ABHD2: variants seen among roughly 807,000 people sequenced by gnomAD.
ABHD2 encodes monoacylglycerol lipase ABHD2.
In ABHD2, 20 loss-of-function variants were observed where a neutral mutation model predicts 48.1. That is an observed-to-expected ratio of 0.42 (90% CI 0.29 to 0.60). The LOEUF (loss-of-function observed/expected upper bound fraction) is 0.60. Among genes scored for constraint, ABHD2 ranks in the 20% least tolerant of loss-of-function variants. ABHD2 has a pLI of 0.24. For synonymous variants in ABHD2, 209 were observed against 214.2 expected (o/e 0.98, Z 0.21); for missense variants, 405 against 550.9 (o/e 0.74, Z 2.65).
chr15:89,110,790 AATTTTAAAACCT>A (rs1049630736), intron 1 of ABHD2, among the ~76,000 whole-genome samples: 70 of 152,316 alleles, frequency 4.6e-4, no homozygotes, highest in African/African-American at 1.4e-3. Flanking sequence ...AATTGAATTG[AATTTTAAAACCT>A]TGGCATTTTT....
At chr15:89,191,293 G>A in intron 9 of ABHD2, 144 bp downstream of exon 9, 1 of 761,544 alleles carries the variant, frequency 1.3e-6, no homozygotes, top group South Asian at 1.8e-5. Flanking sequence ...TTTGTTTATT[G>A]AACCAGGCTC....
chr15:89,129,607 A>G (rs1428553060), intron 3 of ABHD2, among the ~76,000 whole-genome samples: 4 of 152,096 alleles, frequency 2.6e-5, no homozygotes, highest in Non-Finnish European at 5.9e-5. Flanking sequence ...GGCCCAAGTG[A>G]GAGGGTGAAG....
At position 89,114,724 on chromosome 15, in the gene ABHD2, T is replaced by C. The variant is rs1042289004; in HGVS notation, c.-7+900T>C. 1.3e-5 allele frequency among the ~76,000 whole-genome samples: 2 copies of C among 152,132 alleles called. No individual in the cohort carries two copies. The highest frequency in any genetic ancestry group is 6.6e-5 in the Admixed American group (1 of 15,262). ...GTCTCGAACTCCTGAGCTCAAGTGA[T>C]CCACCCACTTTGGCCTCCCAAAGTG... On this transcript the variant is annotated intron_variant, in intron 2 of 10. Transcript: ENST00000352732. The surrounding 1 kb of genome is among the most constrained non-coding windows in gnomAD (Gnocchi z 4.2).
At chr15:89,129,262 G>A (rs1001873309) in intron 3 of ABHD2, among the ~76,000 whole-genome samples, 36 of 152,180 alleles carry the variant, frequency 2.4e-4, no homozygotes, top group African/African-American at 8.4e-4. Context: ...CCATGGCTAG[G>A]GTGGAAGAGA....
At position 89,106,929 on chromosome 15, in the gene ABHD2, G is replaced by C. The variant is rs2049795375; in HGVS notation, c.-106-6796G>C. ...TGCCACCAAAGAGGCTGAAAAATCAGAATGACATGGGATGGAAACAGACCA... is the reference window on the plus strand; with the variant it reads ...TGCCACCAAAGAGGCTGAAAAATCACAATGACATGGGATGGAAACAGACCA... On this transcript the variant is annotated intron_variant, in intron 1 of 10. Coordinates refer to ENST00000352732, the MANE Select transcript of ABHD2 (RefSeq NM_152924.5). The surrounding 1 kb of genome is among the most constrained non-coding windows in gnomAD (Gnocchi z 4.2). 6.6e-6 allele frequency among the ~76,000 whole-genome samples: 1 copy of C among 152,208 alleles called. No homozygotes were observed. The highest frequency in any genetic ancestry group is 2.1e-4 in the South Asian group (1 of 4,832).
intron 3 of ABHD2, among the ~76,000 whole-genome samples, chr15:89,145,299 G>C (rs970108202): frequency 2.6e-5 from 4 of 152,168 alleles, no homozygotes; most frequent in African/African-American, 9.7e-5. Flanking sequence ...CAGCCCTTTT[G>C]TGTGCTCAGA....
rs144915166 is a variant in ABHD2, at chr15:89,191,009, G to A, written c.927-71G>A. 1.7e-4 allele frequency: 255 copies of A among 1,495,838 alleles called. No individual in the cohort carries two copies. The African/African-American group carries it at 2.9e-3, about 17-fold the overall frequency. 92.7% of individuals were successfully genotyped at this position (1,495,838 alleles called of 1,614,324 possible). A position where few individuals can be genotyped will look rare whatever the true frequency, so the allele number is the denominator to read the frequency against. On this transcript the variant is annotated intron_variant, in intron 8 of 10. Coordinates refer to ENST00000352732, the MANE Select transcript of ABHD2 (RefSeq NM_152924.5). ...AGCGTGAGGAACTGGAGCCATCGTC[G>A]GCTCAGCATTCTGATCTTAAAGACC... is the stretch of plus-strand genomic sequence containing the variant.
chr15:89,123,585 C>G (rs1193220440), intron 3 of ABHD2, among the ~76,000 whole-genome samples: 2 of 130,246 alleles, frequency 1.5e-5, no homozygotes, highest in Non-Finnish European at 3.2e-5. Flanking sequence ...TCCTTTCTTT[C>G]TTTCTTTCTT....
intron 5 of ABHD2, among the ~76,000 whole-genome samples, chr15:89,158,263 G>A (rs1034446532): frequency 1.3e-5 from 2 of 152,174 alleles, no homozygotes; most frequent in African/African-American, 4.8e-5. Context: ...TTTGGGCAAG[G>A]GCACAGAGCC....
intron 5 of ABHD2, among the ~76,000 whole-genome samples, chr15:89,158,438 G>A (rs1414451495): frequency 6.6e-6 from 1 of 152,194 alleles, no homozygotes; most frequent in African/African-American, 2.4e-5. Flanking sequence ...ACCACACCAG[G>A]TCAGGGGAGA....
At position 89,176,659 on chromosome 15, in the gene ABHD2, C is replaced by T. The variant is rs2150929343; in HGVS notation, c.722+664C>T. ...CCCAGGTCTCTCAAGAGTCACCACA[C>T]TCACACGTTCACACACACATGCACA... is the stretch of plus-strand genomic sequence containing the variant. On this transcript the variant is annotated intron_variant, in intron 6 of 10. Coordinates refer to ENST00000352732, the MANE Select transcript of ABHD2 (RefSeq NM_152924.5). The surrounding 1 kb of genome is among the most constrained non-coding windows in gnomAD (Gnocchi z 4.5). 6.6e-6 allele frequency among the ~76,000 whole-genome samples: 1 copy of T among 152,288 alleles called. No homozygotes were observed. The highest frequency in any genetic ancestry group is 6.5e-5 in the Admixed American group (1 of 15,294).
rs955315918 is a variant in ABHD2, at chr15:89,135,683, C to T, written c.195-15994C>T. 14 of 1,498,988 alleles carry T rather than the reference C, an allele frequency of 9.3e-6. No individual in the cohort carries two copies. The African/African-American group carries it at 1.1e-4, about 12-fold the overall frequency. 92.9% of individuals were successfully genotyped at this position (1,498,988 alleles called of 1,614,324 possible). A position where few individuals can be genotyped will look rare whatever the true frequency, so the allele number is the denominator to read the frequency against. Reference sequence around the variant, plus strand: ...TGCTGCAGCAGGCTTTCCTTTAGCCCGATATGCAGCAATATCCTTTTCTTA... The same window carrying T: ...TGCTGCAGCAGGCTTTCCTTTAGCCTGATATGCAGCAATATCCTTTTCTTA... On this transcript the variant is annotated intron_variant, in intron 3 of 10. Coordinates refer to ENST00000352732, the MANE Select transcript of ABHD2 (RefSeq NM_152924.5).
At chr15:89,162,571 A>C (rs957090364) in intron 5 of ABHD2, among the ~76,000 whole-genome samples, 1 of 152,036 alleles carries the variant, frequency 6.6e-6, no homozygotes, top group Non-Finnish European at 1.5e-5. Flanking sequence ...AGGACTGCCC[A>C]GGTTCTGTTT....
the ABHD2 span, among the ~76,000 whole-genome samples, chr15:89,077,019 C>T: frequency 2.6e-5 from 4 of 152,014 alleles, no homozygotes; most frequent in East Asian, 1.9e-4. Flanking sequence ...TTGTTTGTTA[C>T]CTACACACAG....
At chr15:89,070,753 T>C in the ABHD2 span, among the ~76,000 whole-genome samples, 1 of 152,094 alleles carries the variant, frequency 6.6e-6, no homozygotes, top group Admixed American at 6.6e-5. Flanking sequence ...ACAGCAGATA[T>C]GGGTAATCAT....
At chr15:89,070,423 C>G in the ABHD2 span, among the ~76,000 whole-genome samples, 5 of 152,162 alleles carry the variant, frequency 3.3e-5, no homozygotes, top group African/African-American at 1.2e-4. Flanking sequence ...TTATTTGCAT[C>G]CCTAATACAA....
chr15:89,172,619 TAG>T (rs1374474854), intron 5 of ABHD2, among the ~76,000 whole-genome samples: 1 of 152,232 alleles, frequency 6.6e-6, no homozygotes, highest in African/African-American at 2.4e-5. Context: ...AGAAAATAAT[TAG>T]AGTCAGTTAT....
intron 8 of ABHD2, among the ~76,000 whole-genome samples, chr15:89,190,802 G>C (rs1463697781): frequency 6.6e-6 from 1 of 152,198 alleles, no homozygotes; most frequent in Non-Finnish European, 1.5e-5. Flanking sequence ...CACATAGCCA[G>C]TAAATAACCG....
At position 89,104,748 on chromosome 15, in the gene ABHD2, C is replaced by G. The variant is rs1240315253; in HGVS notation, c.-106-8977C>G. On this transcript the variant is annotated intron_variant, in intron 1 of 10. Coordinates refer to ENST00000352732, the MANE Select transcript of ABHD2 (RefSeq NM_152924.5). This position sits in a 1 kb window ranked among gnomAD's most constrained non-coding sequence, Gnocchi z 4.4. The stretch of plus-strand genomic sequence containing the variant: ...CAGGCACTGGGTCTTGCCCTCCCAC[C>G]CCCATCTCCATTTCCTCCTTCTGGA... Among the ~76,000 whole-genome samples the G allele has an allele frequency of 1.3e-5, 2 of 152,154 alleles. No homozygotes were observed. The highest frequency in any genetic ancestry group is 2.9e-5 in the Non-Finnish European group (2 of 68,018).
Sources: gnomAD v4.1 joint callset for allele counts (sites outside exome capture counted in the v4.1 genomes callset) on GRCh38, gnomAD v4.1.1 for gene constraint, Gnocchi (gnomAD v3.1) non-coding constraint, MANE v1.5 for transcripts, NCBI Gene and HGNC (gene_info 2026-07-23, HGNC 2026-07-21) for gene names.